GRIA4: variants seen among roughly 807,000 people sequenced by gnomAD.
The protein encoded by GRIA4 is glutamate receptor 4.
GRIA4 carries 34 observed loss-of-function variants against 104.0 expected under a neutral mutation model. That is an observed-to-expected ratio of 0.33 (90% CI 0.25 to 0.44). The LOEUF is 0.44. GRIA4 is among the 20% of genes least tolerant of loss of function. GRIA4 has a pLI of 1.00. For missense variants in GRIA4, 750 were observed against 1,096.5 expected (o/e 0.68, Z 4.46); for synonymous variants, 386 against 381.9 (o/e 1.01, Z -0.13).
intron 3 of GRIA4, among the ~76,000 whole-genome samples, chr11:105,735,682 A>T (rs1319317377): frequency 6.6e-6 from 1 of 152,178 alleles, no homozygotes; most frequent in Non-Finnish European, 1.5e-5. Flanking sequence ...GGCCATGGGC[A>T]AGTGACCTAA....
At chr11:105,972,231 A>G (rs1858735244) in intron 15 of GRIA4, among the ~76,000 whole-genome samples, 1 of 152,220 alleles carries the variant, frequency 6.6e-6, no homozygotes. Context: ...AGACTTTTAA[A>G]TTAAATTAAA....
intron 3 of GRIA4, among the ~76,000 whole-genome samples, chr11:105,730,347 A>T (rs2135604033): frequency 6.6e-6 from 1 of 152,306 alleles, no homozygotes; most frequent in South Asian, 2.1e-4. Flanking sequence ...CTTCTAGGAG[A>T]ACTACAAACC....
chr11:105,967,012 G>C (rs1052787511), intron 14 of GRIA4, among the ~76,000 whole-genome samples: 5 of 152,038 alleles, frequency 3.3e-5, no homozygotes, highest in Non-Finnish European at 7.4e-5. Flanking sequence ...TTTTCTGATA[G>C]TTTTCATAAA....
intron 4 of GRIA4, among the ~76,000 whole-genome samples, chr11:105,792,051 T>C (rs181956016): frequency 2.0e-5 from 3 of 152,258 alleles, no homozygotes; most frequent in Non-Finnish European, 4.4e-5. Context: ...ATATGTTTTA[T>C]AAATGCCACA....
chr11:105,953,020 A>G (rs1011474629), intron 14 of GRIA4, among the ~76,000 whole-genome samples: 1 of 152,244 alleles, frequency 6.6e-6, no homozygotes. Context: ...CACAAATCCA[A>G]TGAAGCAAAA....
At position 105,818,990 on chromosome 11, in the gene GRIA4, C is replaced by T. The variant is rs1031401368; in HGVS notation, c.488-43034C>T. 5.9e-5 allele frequency among the ~76,000 whole-genome samples: 9 copies of T among 152,094 alleles called. No homozygotes were observed. In the South Asian group the frequency reaches 6.2e-4, roughly 11 times the overall value. On this transcript the variant is annotated intron_variant, in intron 4 of 16. Coordinates refer to ENST00000282499, the MANE Select transcript of GRIA4 (RefSeq NM_000829.4). ...GACCACACCTTTTATACAAGGAAAT[C>T]AGGACAATGGAAAACAATTTTTCTC...
intron 3 of GRIA4, among the ~76,000 whole-genome samples, chr11:105,666,142 A>G (rs1952157990): frequency 6.6e-6 from 1 of 152,054 alleles, no homozygotes; most frequent in African/African-American, 2.4e-5. Flanking sequence ...ACTTTAAACC[A>G]TGGCCTCTGA....
chr11:105,648,834 G>T (rs1015562316), intron 3 of GRIA4, among the ~76,000 whole-genome samples: 3 of 152,156 alleles, frequency 2.0e-5, no homozygotes, highest in African/African-American at 7.2e-5. Context: ...TACTTTTAAT[G>T]ACCGAAACCA....
In GRIA4 at chr11:105,712,706, GC is replaced by G. The variant is rs578074472; in HGVS notation, c.248-40274del. ...TTTGTTTTGTTTTTGTTTTTGTTTT[GC>G]TTTGTTTTTGTTTTTTTTAATATAG... On this transcript the variant is annotated intron_variant, in intron 3 of 16. Transcript: ENST00000282499. 8.3e-4 allele frequency among the ~76,000 whole-genome samples: 98 copies of G among 118,396 alleles called. 2 individuals are homozygous for G. Among genetic ancestry groups the G allele is most frequent in the Middle Eastern group, 8.8e-3 (2 of 226 alleles). 77.7% of individuals were successfully genotyped at this position (118,396 alleles called of 152,430 possible).
chr11:105,880,316 A>T (rs961967185), intron 5 of GRIA4, among the ~76,000 whole-genome samples: 3 of 152,244 alleles, frequency 2.0e-5, no homozygotes, highest in African/African-American at 7.2e-5. Context: ...GTAGAATTTT[A>T]GAACCACCAT....
At chr11:105,664,159 T>C (rs536505956) in intron 3 of GRIA4, among the ~76,000 whole-genome samples, 10 of 148,990 alleles carry the variant, frequency 6.7e-5, no homozygotes, top group African/African-American at 2.5e-4. Context: ...AAGGTGTTGA[T>C]TTTATGGAAC....
chr11:105,706,514 T>C (rs1465527310), intron 3 of GRIA4: 1 of 153,084 alleles, frequency 6.5e-6, no homozygotes, highest in East Asian at 1.9e-4. Flanking sequence ...TAGAAGATGG[T>C]GTGATCATTG....
At position 105,753,142 on chromosome 11, in the gene GRIA4, T is replaced by A. The variant is rs1317323017; in HGVS notation, c.409T>A (p.Ser137Thr). Residue 137 changes from serine to threonine, a missense_variant, in exon 4 of 17, where the codon TCG becomes ACG. Ser to Thr is a moderately conservative substitution (Grantham distance 58). Around this residue, in one of 3 missense-constraint regions of GRIA4, gnomAD observed 410 missense variants for 502.7 expected, o/e 0.82. Transcript: ENST00000282499. Reference protein sequence around the residue: ...ESQFVLQLRPSLRGALLSLLD... With the variant: ...ESQFVLQLRPTLRGALLSLLD... ...CCAGTTTGTGCTGCAACTAAGACCT[T>A]CGTTACGAGGAGCACTCTTGAGTTT... The A allele has an allele frequency of 1.2e-6, 2 of 1,613,684 alleles. No homozygotes were observed. Among genetic ancestry groups the A allele is most frequent in the East Asian group, 2.2e-5 (1 of 44,846 alleles).
intron 3 of GRIA4, among the ~76,000 whole-genome samples, chr11:105,686,543 A>C (rs1337571453): frequency 6.6e-6 from 1 of 152,182 alleles, no homozygotes; most frequent in African/African-American, 2.4e-5. Flanking sequence ...ATGTAAGTGC[A>C]TGTGTCTTTT....
rs1167333657 is a variant in GRIA4, at chr11:105,979,969, T to A, written c.*230T>A. 4.5e-6 allele frequency: 2 copies of A among 443,114 alleles called. No individual in the cohort carries two copies. The highest frequency in any genetic ancestry group is 6.9e-5 in the East Asian group (2 of 29,064). The allele number at this position is 443,114 out of a possible 1,614,324, so 27.4% of individuals were successfully genotyped here. A position where few individuals can be genotyped will look rare whatever the true frequency, so the allele number is the denominator to read the frequency against. On this transcript the variant is annotated 3_prime_UTR_variant, in exon 17 of 17. Transcript: ENST00000282499. ...AGGAAAACTCACAATTGAGGTTTTT[T>A]TCGGGGAGTGGGTGGGGGAGGGATC... is the stretch of plus-strand genomic sequence containing the variant.
chr11:105,750,946 T>C (rs1412233511), intron 3 of GRIA4, among the ~76,000 whole-genome samples: 1 of 152,108 alleles, frequency 6.6e-6, no homozygotes, highest in African/African-American at 2.4e-5. Context: ...TAGAAAAACA[T>C]AATTTAGAAG....
intron 4 of GRIA4, among the ~76,000 whole-genome samples, chr11:105,777,400 A>T (rs1307323707): frequency 2.6e-5 from 4 of 152,192 alleles, no homozygotes; most frequent in Admixed American, 2.6e-4. Context: ...ATGTCAGGCA[A>T]ATGACAATAT....
At chr11:105,626,541 A>G (rs1236105324) in intron 3 of GRIA4, among the ~76,000 whole-genome samples, 1 of 152,178 alleles carries the variant, frequency 6.6e-6, no homozygotes, top group African/African-American at 2.4e-5. Context: ...AATTTGTAAC[A>G]ATTTATCAAA....
intron 4 of GRIA4, among the ~76,000 whole-genome samples, chr11:105,756,426 G>A (rs186257033): frequency 6.6e-6 from 1 of 152,056 alleles, no homozygotes; most frequent in East Asian, 1.9e-4. Flanking sequence ...CAACACAAAT[G>A]TACCATTGAT....
Sources: allele counts gnomAD v4.1 joint callset (sites outside exome capture counted in the v4.1 genomes callset), GRCh38; gene constraint gnomAD v4.1.1; regional missense constraint gnomAD v4.1.1; transcripts MANE v1.5; gene names NCBI Gene and HGNC (gene_info 2026-07-23, HGNC 2026-07-21).